MRTFA: variants seen among roughly 807,000 people sequenced by gnomAD.
The protein encoded by MRTFA is myocardin related transcription factor A.
MRTFA carries 20 observed loss-of-function variants against 83.5 expected under a neutral mutation model. That is an observed-to-expected ratio of 0.24 (90% CI 0.17 to 0.35). MRTFA has a LOEUF of 0.35. MRTFA is among the 10% of genes least tolerant of loss of function. The pLI is 1.00. For synonymous variants in MRTFA, 659 were observed against 541.2 expected, an observed-to-expected ratio of 1.22 and a Z score of -3.02; for missense variants, 1,200 against 1,224.7, an observed-to-expected ratio of 0.98 and a Z score of 0.30.
chr22:40,413,679 G>A (rs561929045), intron 14 of MRTFA, among the ~76,000 whole-genome samples: 4 of 152,230 alleles, frequency 2.6e-5, no homozygotes, highest in South Asian at 2.1e-4. Flanking sequence ...TCCTGACCTC[G>A]TGATTTGCCT....
rs879552558 is a variant in MRTFA at position 40,569,764 on chromosome 22, CATA to C, written c.-21-17400_-21-17398del. 2.7e-3 allele frequency: 380 copies of C among 142,618 alleles called. 1 individual carries two copies. The highest frequency in any genetic ancestry group is 0.011 in the East Asian group (56 of 5,064). The allele number at this position is 142,618 out of a possible 1,614,324, so 8.8% of individuals were successfully genotyped here. A position where few individuals can be genotyped will look rare whatever the true frequency, so the allele number is the denominator to read the frequency against. Reference sequence around the variant, plus strand: ...ACATACATACATACATACATACATACATACATACATACATCAAGGGGGTGATGT... The same window carrying C: ...ACATACATACATACATACATACATACCATACATACATCAAGGGGGTGATGT... On this transcript the variant is annotated intron_variant, in intron 2 of 14. Transcript: ENST00000355630.
intron 4 of MRTFA, among the ~76,000 whole-genome samples, chr22:40,437,118 T>C (rs1444990672): frequency 6.6e-6 from 1 of 152,144 alleles, no homozygotes; most frequent in Non-Finnish European, 1.5e-5. Context: ...ATTTAACAAA[T>C]AACATCAAAG....
At chr22:40,520,448 C>G (rs1334524009) in intron 3 of MRTFA, among the ~76,000 whole-genome samples, 3 of 151,958 alleles carry the variant, frequency 2.0e-5, no homozygotes, top group Non-Finnish European at 4.4e-5. Context: ...TTCTGTCACC[C>G]AGGCTAGAGT....
chr22:40,571,920 T>TAA (rs1221663860), intron 2 of MRTFA, among the ~76,000 whole-genome samples: 1 of 37,228 alleles, frequency 2.7e-5, no homozygotes, highest in African/African-American at 1.3e-4. Context: ...CAAGACTCTG[T>TAA]CAAAAAAAAA....
intron 3 of MRTFA, among the ~76,000 whole-genome samples, chr22:40,476,871 T>C (rs1420960409): frequency 6.6e-6 from 1 of 152,168 alleles, no homozygotes; most frequent in Admixed American, 6.5e-5. Context: ...TTGTTTTTAA[T>C]ATAAACAAAA....
chr22:40,539,716 A>G (rs2055255909), intron 3 of MRTFA, among the ~76,000 whole-genome samples: 1 of 151,852 alleles, frequency 6.6e-6, no homozygotes, highest in African/African-American at 2.4e-5. Context: ...GTTGGCCAGG[A>G]TGGTCTCGAT....
chr22:40,613,447 T>C (rs111633035), intron 1 of MRTFA, among the ~76,000 whole-genome samples: 41 of 152,358 alleles, frequency 2.7e-4, no homozygotes, highest in African/African-American at 9.4e-4. Flanking sequence ...GTCACACTCC[T>C]ACAAGCAACA....
At chr22:40,586,875 T>C (rs1411254380) in intron 2 of MRTFA, 6 of 420,926 alleles carry the variant, frequency 1.4e-5, no homozygotes, top group Non-Finnish European at 2.4e-5. Context: ...CTCATCTGAT[T>C]TGGCCTCTAG....
At chr22:40,500,391 ATTTT>A (rs1189825067) in intron 3 of MRTFA, among the ~76,000 whole-genome samples, 1 of 97,846 alleles carries the variant, frequency 1.0e-5, no homozygotes, top group Non-Finnish European at 2.2e-5. Flanking sequence ...TTATATTTTT[ATTTT>A]TTTTAATTTA....
chr22:40,506,785 T>C (rs2054587295), intron 3 of MRTFA, among the ~76,000 whole-genome samples: 1 of 152,186 alleles, frequency 6.6e-6, no homozygotes, highest in Non-Finnish European at 1.5e-5. Context: ...TTTCACTGTT[T>C]AAGGAGAGTT....
chr22:40,538,985 CTTTTGT>C (rs971747824), intron 3 of MRTFA, among the ~76,000 whole-genome samples: 7 of 106,888 alleles, frequency 6.5e-5, no homozygotes, highest in African/African-American at 1.9e-4. Context: ...GATACACAGC[CTTTTGT>C]TTTTTTTTTT....
chr22:40,421,905 C>CTGAAAGGAAGGTT (rs1156613851), intron 9 of MRTFA, among the ~76,000 whole-genome samples: 1 of 152,086 alleles, frequency 6.6e-6, no homozygotes, highest in African/African-American at 2.4e-5. Flanking sequence ...GCAATGAGGA[C>CTGAAAGGAAGGTT]TGAAAGGAAG....
At chr22:40,452,371 T>C (rs1390841783) in intron 4 of MRTFA, among the ~76,000 whole-genome samples, 1 of 152,184 alleles carries the variant, frequency 6.6e-6, no homozygotes, top group Non-Finnish European at 1.5e-5. Flanking sequence ...TCAGGTAAAA[T>C]AGTTGAGTAG....
chr22:40,626,747 C>T (rs927330503), intron 1 of MRTFA, among the ~76,000 whole-genome samples: 1 of 152,034 alleles, frequency 6.6e-6, no homozygotes, highest in African/African-American at 2.4e-5. Context: ...TGCCTGTAGT[C>T]CCAACACTTT....
At chr22:40,568,605 C>G (rs2055739668) in intron 2 of MRTFA, among the ~76,000 whole-genome samples, 1 of 152,120 alleles carries the variant, frequency 6.6e-6, no homozygotes, top group Non-Finnish European at 1.5e-5. Flanking sequence ...ATTTTAAGCC[C>G]AGCACAATTA....
At chr22:40,438,796 G>C (rs1175711634) in intron 4 of MRTFA, among the ~76,000 whole-genome samples, 2 of 152,020 alleles carry the variant, frequency 1.3e-5, no homozygotes, top group African/African-American at 4.8e-5. Context: ...AGTACGTATA[G>C]GATTTGGTAC....
At chr22:40,451,336 G>A (rs1257803663) in intron 4 of MRTFA, among the ~76,000 whole-genome samples, 1 of 152,204 alleles carries the variant, frequency 6.6e-6, no homozygotes, top group Non-Finnish European at 1.5e-5. Context: ...GCATTTGGGT[G>A]GCGGGGTGTG....
At chr22:40,517,523 G>A (rs533212857) in intron 3 of MRTFA, among the ~76,000 whole-genome samples, 35 of 152,254 alleles carry the variant, frequency 2.3e-4, no homozygotes, top group Non-Finnish European at 4.1e-4. Flanking sequence ...GCCGTAAAAT[G>A]GGATAAGAGC....
chr22:40,628,055 G>C (rs2056600802), intron 1 of MRTFA, among the ~76,000 whole-genome samples: 2 of 152,312 alleles, frequency 1.3e-5, no homozygotes, highest in East Asian at 3.9e-4. Flanking sequence ...TCTGCAAAAT[G>C]CTGCTACTAC....
Sources: gnomAD v4.1 joint callset for allele counts (sites outside exome capture counted in the v4.1 genomes callset) on GRCh38, gnomAD v4.1.1 for gene constraint, MANE v1.5 for transcripts, NCBI Gene and HGNC (gene_info 2026-07-23, HGNC 2026-07-21) for gene names.